The following DCXR variants were observed in gnomAD, a reference collection of about 807,000 sequenced individuals.
DCXR encodes dicarbonyl and L-xylulose reductase, also known as L-xylulose reductase.
A neutral mutation model predicts 25.9 loss-of-function variants in DCXR; 24 were observed. That is an observed-to-expected ratio of 0.93 (90% CI 0.67 to 1.30). The LOEUF (loss-of-function observed/expected upper bound fraction) is 1.30, where lower values mean the gene tolerates loss of function less well. Ranked by LOEUF, DCXR falls within the 50% of genes most tolerant of loss-of-function variation. The pLI is 0.00. For missense variants in DCXR, 348 were observed against 333.7 expected (o/e 1.04, Z -0.33); for synonymous variants, 161 against 141.7 (o/e 1.14, Z -0.97).
chr17:82,037,604 C>T (rs1304897495), intron 1 of DCXR, 27 bp downstream of exon 1: 1 of 1,552,850 alleles, frequency 6.4e-7, no homozygotes, highest in Non-Finnish European at 8.6e-7. Flanking sequence ...CGCCGCCGGC[C>T]TTTGCCCACC....
chr17:82,035,944 G>GGT lies in DCXR; in HGVS notation c.*14_*15dup. ...AGGATGAGCACGGCATGGGGCTTGA[G>GGT]GTGTGTGGAGGGAGCTCAGCAGGCC... is the stretch of plus-strand genomic sequence containing the variant. On this transcript the variant is annotated 3_prime_UTR_variant, in exon 8 of 8. Transcript: ENST00000306869. The GGT allele has an allele frequency of 6.2e-7, 1 of 1,604,352 alleles. No homozygotes were observed. Among genetic ancestry groups the GGT allele is most frequent in the Non-Finnish European group, 8.5e-7 (1 of 1,172,724 alleles).
At position 82,036,875 on chromosome 17, in the gene DCXR, T is replaced by C. The variant is rs749587749; in HGVS notation, c.289A>G (p.Lys97Glu). ...CAGGCTCACCTGTCAAAGGCCTCCT[T>C]GGTGACCTCCAGGAAGGGCTGCAGC... is the stretch of plus-strand genomic sequence containing the variant. ...ALLQPFLEVT[K>E]EAFDRSFEVN... Residue 97 changes from lysine (K) to glutamate (E), a missense_variant, in exon 3 of 8, where the codon AAG becomes GAG. Lys to Glu is a moderately conservative substitution (Grantham distance 56). Coordinates refer to ENST00000306869, the MANE Select transcript of DCXR (RefSeq NM_016286.4). The C allele has an allele frequency of 2.5e-6, 4 of 1,613,188 alleles. No homozygotes were observed. The highest frequency in any genetic ancestry group is 3.4e-6 in the Non-Finnish European group (4 of 1,179,944).
chr17:82,037,162 C>T, intron 2 of DCXR, 149 bp from the exon 3 acceptor site: 1 of 1,081,244 alleles, frequency 9.2e-7, no homozygotes, highest in African/African-American at 1.6e-5. Context: ...CCGGGCGCTA[C>T]CTCCGGCCGG....
intron 3 of DCXR, 38 bp downstream of exon 3, chr17:82,036,821 A>C (rs2043496871): frequency 6.2e-7 from 1 of 1,613,326 alleles, no homozygotes; most frequent in Non-Finnish European, 8.5e-7. Flanking sequence ...CCTCCAGGAC[A>C]GCCCCTCCCT....
In DCXR at chr17:82,036,782, A is replaced by T; in HGVS notation, c.306-19T>A. Reference sequence around the variant, plus strand: ...AAAGGATCTAGAGGCCGAGGGACAGACCCTGGTCAGAGATTAGGGCTGCTG... The same window carrying T: ...AAAGGATCTAGAGGCCGAGGGACAGTCCCTGGTCAGAGATTAGGGCTGCTG... On this transcript the variant is annotated intron_variant, in intron 3 of 7. Transcript: ENST00000306869. The T allele has an allele frequency of 6.2e-7, 1 of 1,613,386 alleles. No homozygotes were observed. The highest frequency in any genetic ancestry group is 8.5e-7 in the Non-Finnish European group (1 of 1,179,972).
chr17:82,037,131 T>G, intron 2 of DCXR, 118 bp from the exon 3 acceptor site: 12 of 1,349,098 alleles, frequency 8.9e-6, no homozygotes, highest in Non-Finnish European at 1.2e-5. Flanking sequence ...TCCGAAGGTG[T>G]CGGGACTGTG....
rs757212420 is a variant in DCXR, at chr17:82,036,845, C to T, written c.305+14G>A. 7 of 1,613,432 alleles carry T rather than the reference C, an allele frequency of 4.3e-6. No homozygotes were observed. In the Admixed American group the frequency reaches 1.2e-4, roughly 27 times the overall value. On this transcript the variant is annotated intron_variant, in intron 3 of 7. Coordinates refer to ENST00000306869, the MANE Select transcript of DCXR (RefSeq NM_016286.4). ...CAGCCCCTCCCTGAGGTTCCTCCGC[C>T]CTCACAGGCTCACCTGTCAAAGGCC...
chr17:82,037,640 C>A lies in DCXR; in HGVS notation c.43G>T (p.Ala15Ser), dbSNP rs918730632. 6.3e-7 allele frequency: 1 copy of A among 1,588,400 alleles called. No homozygotes were observed. The highest frequency in any genetic ancestry group is 1.3e-5 in the African/African-American group (1 of 74,790). The change falls in exon 1 of 8, where the codon GCA becomes TCA. Residue 15 changes from alanine to serine, a missense_variant. Physicochemically the swap from Ala to Ser is moderately conservative, Grantham distance 99. Transcript: ENST00000306869. ...TTTCCCCGCCGCCCACCTTTGCCTG[C>A]CCCGGTGACCAGCACCCGGCGGCCC... ...LAGRRVLVTG[A>S]GKGIGRGTVQ... is the part of the protein sequence containing the mutation.
chr17:82,036,836 T>G, intron 3 of DCXR, 23 bp downstream of exon 3: 2 of 1,613,372 alleles, frequency 1.2e-6, no homozygotes, highest in Non-Finnish European at 1.7e-6. Context: ...CTCCCTGAGG[T>G]TCCTCCGCCC....
Position 82,036,963 on chromosome 17 carries a change from G to T in DCXR, c.201C>A (p.Thr67=). Residue 67 remains threonine, a synonymous_variant, in exon 3 of 8, where the codon ACC becomes ACA. Transcript: ENST00000306869. The part of the protein sequence containing the change: ...VCVDLGDWEA[T]ERALGSVGPV... The stretch of plus-strand genomic sequence containing the variant: ...GGCCCACGCTGCCCAGCGCCCGCTC[G>T]GTGGCCTCCCAGTCACCCAGGTCCA... The T allele has an allele frequency of 1.9e-6, 3 of 1,595,640 alleles. No individual in the cohort carries two copies. Among genetic ancestry groups the T allele is most frequent in the Non-Finnish European group, 2.6e-6 (3 of 1,171,962 alleles).
Position 82,036,448 on chromosome 17 carries a change from C to G in DCXR, c.449G>C (p.Cys150Ser). Residue 150 changes from cysteine (C) to serine (S), a missense_variant and splice_region_variant, in exon 6 of 8, where the codon TGC (cysteine) becomes TCC (serine). By Grantham distance (112) the Cys-to-Ser change is moderately radical. Transcript: ENST00000306869. ...QRAVTNHSVY[C>S]STKGALDMLT... ...CATGTCCAGGGCACCCTTGGTGGAG[C>G]CTACGAAGAGGAACCCAAGCTGGCT... The G allele has an allele frequency of 6.2e-7, 1 of 1,613,456 alleles. No individual in the cohort carries two copies. The highest frequency in any genetic ancestry group is 8.5e-7 in the Non-Finnish European group (1 of 1,179,988).
At chr17:82,036,338 C>A (rs776431707) in intron 6 of DCXR, 30 bp from the exon 7 acceptor site, 1 of 1,613,310 alleles carries the variant, frequency 6.2e-7, no homozygotes, top group Non-Finnish European at 8.5e-7. Context: ...GTCAGCAGGG[C>A]AAGTGGGGTG....
chr17:82,037,544 A>T lies in DCXR; in HGVS notation c.56T>A (p.Ile19Lys). ...RVLVTGAGKGIGRGTVQALHA... is the reference protein window; with the variant it reads ...RVLVTGAGKGKGRGTVQALHA... ...CAGCGCCTGGACCGTGCCGCGCCCT[A>T]TACCTGCCGGGAGCGGGCTCAGTGA... The change falls in exon 2 of 8, where the codon ATA becomes AAA. Residue 19 changes from isoleucine (I) to lysine (K), a missense_variant. Coordinates refer to ENST00000306869, the MANE Select transcript of DCXR (RefSeq NM_016286.4). 1 of 1,544,656 alleles carries T rather than the reference A, an allele frequency of 6.5e-7. No homozygotes were observed. The highest frequency in any genetic ancestry group is 1.2e-5 in the South Asian group (1 of 84,940).
chr17:82,036,733 G>A lies in DCXR; in HGVS notation c.336C>T (p.Ile112=), dbSNP rs777550591. The change falls in exon 4 of 8, where the codon ATC becomes ATT. Residue 112 remains isoleucine (I), a synonymous_variant. Coordinates refer to ENST00000306869, the MANE Select transcript of DCXR (RefSeq NM_016286.4). ...RSFEVNLRAV[I]QVSQIVARGL... ...CAGGGCAGCTCACCTGCGACACCTG[G>A]ATGACCGCACGCAGGTTCACCTCAA... The A allele has an allele frequency of 1.0e-4, 168 of 1,613,512 alleles. No individual in the cohort carries two copies. Among genetic ancestry groups the A allele is most frequent in the Non-Finnish European group, 1.3e-4 (150 of 1,180,018 alleles).
In DCXR at chr17:82,037,645, G is replaced by A; in HGVS notation, c.38C>T (p.Thr13Ile). ...LFLAGRRVLVTGAGKGIGRGT... is the reference protein window; with the variant it reads ...LFLAGRRVLVIGAGKGIGRGT... ...CCGCCGCCCACCTTTGCCTGCCCCG[G>A]TGACCAGCACCCGGCGGCCCGCGAG... Residue 13 changes from threonine (T) to isoleucine (I), a missense_variant, in exon 1 of 8, where the codon ACC (threonine) becomes ATC (isoleucine). Transcript: ENST00000306869. The A allele has an allele frequency of 6.3e-7, 1 of 1,589,754 alleles. No homozygotes were observed.
At chr17:82,037,071 G>A (rs776398897) in intron 2 of DCXR, 58 bp from the exon 3 acceptor site, 11 of 1,544,350 alleles carry the variant, frequency 7.1e-6, no homozygotes, top group Non-Finnish European at 8.7e-7. Flanking sequence ...GGCACAGCTG[G>A]GGACTGGGGC....
chr17:82,036,623 TATTAAGCCCCTGGCCACA>T lies in DCXR; in HGVS notation c.351_368del (p.Val118_Ile123del). On this transcript the variant is annotated inframe_deletion and splice_region_variant, in exon 5 of 8. Transcript: ENST00000306869. The stretch of plus-strand genomic sequence containing the variant: ...CGATGGCCCCTGGGACTCCCCGGGC[TATTAAGCCCCTGGCCACA>T]ATCTGGAATCGCAGCGAGACCGTGA... 6.2e-7 allele frequency: 1 copy of T among 1,613,174 alleles called. No individual in the cohort carries two copies.
intron 2 of DCXR, 121 bp from the exon 3 acceptor site, chr17:82,037,134 G>T: frequency 7.7e-7 from 1 of 1,303,462 alleles, no homozygotes; most frequent in Non-Finnish European, 1.1e-6. Flanking sequence ...GAAGGTGTCG[G>T]GACTGTGGGG....
chr17:82,036,713 C>A lies in DCXR; in HGVS notation c.348+8G>T. ...GAGAATTCCCGTCCAGCCCACAGGG[C>A]AGCTCACCTGCGACACCTGGATGAC... On this transcript the variant is annotated splice_region_variant and intron_variant, in intron 4 of 7. Coordinates refer to ENST00000306869, the MANE Select transcript of DCXR (RefSeq NM_016286.4). 1 of 1,613,624 alleles carries A rather than the reference C, an allele frequency of 6.2e-7. No individual in the cohort carries two copies. Among genetic ancestry groups the A allele is most frequent in the Non-Finnish European group, 8.5e-7 (1 of 1,180,014 alleles).
Sources: gnomAD v4.1 joint callset for allele counts on GRCh38, gnomAD v4.1.1 for gene constraint, MANE v1.5 for transcripts, NCBI Gene and HGNC (gene_info 2026-07-23, HGNC 2026-07-21) for gene names.